Variants in YAE1 observed in about 807,000 individuals in gnomAD.
YAE1 encodes the protein YAE1 maturation factor of ABCE1, also known as protein YAE1 homolog.
Under a neutral mutation model 23.0 loss-of-function variants are expected in YAE1, and 22 were observed. The observed-to-expected ratio is 0.96, with a 90% CI of 0.68 to 1.37. The LOEUF (loss-of-function observed/expected upper bound fraction) is 1.37. Ranked by LOEUF, YAE1 falls within the 40% of genes most tolerant of loss-of-function variation. The probability of loss-of-function intolerance (pLI) is 0.00; values close to 1 mark genes in which losing one functional copy is unlikely to be tolerated. For synonymous variants in YAE1, 101 were observed against 97.0 expected, an observed-to-expected ratio of 1.04 and a Z score of -0.24; for missense variants, 260 against 262.1, an observed-to-expected ratio of 0.99 and a Z score of 0.06.
At chr7:39,579,019 A>G (rs1284472236) in intron 2 of YAE1, among the ~76,000 whole-genome samples, 1 of 152,244 alleles carries the variant, frequency 6.6e-6, no homozygotes, top group Admixed American at 6.5e-5. Context: ...CCAAGATGTT[A>G]GTTTCTAGCA....
intron 1 of YAE1, among the ~76,000 whole-genome samples, chr7:39,568,189 GGTCATGCCACT>G (rs2115763760): frequency 6.6e-6 from 1 of 152,008 alleles, no homozygotes; most frequent in Non-Finnish European, 1.5e-5. Context: ...AGTGAGCTGA[GGTCATGCCACT>G]GCACTCCAGC....
intron 2 of YAE1, among the ~76,000 whole-genome samples, chr7:39,587,204 G>A (rs776287155): frequency 1.3e-5 from 2 of 151,796 alleles, no homozygotes; most frequent in Admixed American, 6.6e-5. Flanking sequence ...TTACAGGCAT[G>A]CACCATCACA....
downstream of YAE1, chr7:39,610,455 A>G (rs1011259763): frequency 2.3e-5 from 10 of 438,678 alleles, no homozygotes; most frequent in East Asian, 3.5e-4. Context: ...TCTGGTTGCC[A>G]CAGGTATATC....
chr7:39,576,949 C>T (rs1790663948), downstream of YAE1, among the ~76,000 whole-genome samples: 1 of 152,160 alleles, frequency 6.6e-6, no homozygotes, highest in African/African-American at 2.4e-5. Flanking sequence ...AGCTGGAGTG[C>T]AATGGCGCAA....
chr7:39,604,801 AT>A (rs548581754), intron 2 of YAE1, among the ~76,000 whole-genome samples: 8 of 152,354 alleles, frequency 5.3e-5, no homozygotes, highest in Middle Eastern at 3.4e-3. Flanking sequence ...AAGGTATCAC[AT>A]TTTATGAAAA....
intron 2 of YAE1, among the ~76,000 whole-genome samples, chr7:39,597,221 C>T (rs181137043): frequency 6.6e-5 from 10 of 152,284 alleles, no homozygotes; most frequent in Admixed American, 4.6e-4. Context: ...TCATGATGTG[C>T]TACATAATCA....
At chr7:39,582,851 GGT>G in intron 2 of YAE1, among the ~76,000 whole-genome samples, 1 of 152,324 alleles carries the variant, frequency 6.6e-6, no homozygotes, top group South Asian at 2.1e-4. Flanking sequence ...ATTGACAGAT[GGT>G]GTTCAGCTGA....
downstream of YAE1, among the ~76,000 whole-genome samples, chr7:39,611,087 G>A (rs148660150): frequency 1.4e-3 from 206 of 152,090 alleles, no homozygotes; most frequent in Middle Eastern, 6.8e-3. Flanking sequence ...GGCAGAGGTT[G>A]CAGTGAGCCC....
At chr7:39,566,736 A>AT in intron 1 of YAE1, 189 bp downstream of exon 1, 1 of 778,276 alleles carries the variant, frequency 1.3e-6, no homozygotes, top group Admixed American at 3.1e-5. Context: ...AACAAGACGC[A>AT]TTCTTTGAGC....
At chr7:39,597,867 C>T (rs2115835300) in intron 2 of YAE1, among the ~76,000 whole-genome samples, 2 of 152,272 alleles carry the variant, frequency 1.3e-5, no homozygotes, top group South Asian at 4.1e-4. Flanking sequence ...TTCTGTATTA[C>T]CAGCATGTTC....
rs1790584804 is a variant in YAE1 at position 39,572,408 on chromosome 7, C to T, written c.383C>T (p.Ser128Phe). The T allele has an allele frequency of 6.2e-7, 1 of 1,614,000 alleles. No homozygotes were observed. Among genetic ancestry groups the T allele is most frequent in the African/African-American group, 1.3e-5 (1 of 74,922 alleles). The change falls in exon 3 of 3, where the codon TCC becomes TTC. Residue 128 changes from serine to phenylalanine, a missense_variant. Transcript: ENST00000223273. ...CATCTGAAATCAATCACTCCACCGT[C>T]CCATGTTGTAGATTTATTGGACTCC... is the stretch of plus-strand genomic sequence containing the variant. ...LKHLKSITPP[S>F]HVVDLLDSIE...
downstream of YAE1, among the ~76,000 whole-genome samples, chr7:39,575,537 G>GGAGAGAGAGAGAGAGA (rs56954676): frequency 2.5e-4 from 33 of 131,250 alleles, no homozygotes; most frequent in African/African-American, 4.6e-4. Context: ...CTAAGATACA[G>GGAGAGAGAGAGAGAGA]GAGAGAGAGA....
downstream of YAE1, among the ~76,000 whole-genome samples, chr7:39,575,986 C>T (rs1163363681): frequency 1.3e-5 from 2 of 152,182 alleles, no homozygotes; most frequent in Non-Finnish European, 2.9e-5. Flanking sequence ...TGCTAACTCT[C>T]CCCGACTCTG....
chr7:39,609,937 C>T (rs1791186003), exon 3 of YAE1: 1 of 1,524,340 alleles, frequency 6.6e-7, no homozygotes, highest in Non-Finnish European at 8.8e-7. Flanking sequence ...AACTCCGAAA[C>T]ACATTTTTCA....
rs531190683 is a variant in YAE1, at chr7:39,586,273, C to T, written c.251+15646C>T. Reference sequence around the variant, plus strand: ...CTGCAACCTCCACCTCCCGGGTTCACGCCATTCTCCTGCCTCAGTCTCCCG... The same window carrying T: ...CTGCAACCTCCACCTCCCGGGTTCATGCCATTCTCCTGCCTCAGTCTCCCG... On this transcript the variant is annotated intron_variant, in intron 2 of 2. Transcript: ENST00000432096. Among the ~76,000 whole-genome samples, 1,446 of 148,282 alleles carry T rather than the reference C, an allele frequency of 9.8e-3. 14 individuals are homozygous for T. The highest frequency in any genetic ancestry group is 0.015 in the Non-Finnish European group (1,005 of 66,996).
exon 3 of YAE1, chr7:39,609,911 G>A (rs540718503): frequency 2.0e-6 from 3 of 1,529,882 alleles, no homozygotes; most frequent in Middle Eastern, 1.7e-4. Flanking sequence ...CCGCCTGGCC[G>A]CCAGAGGCAC....
chr7:39,602,439 T>G (rs1351772903), intron 2 of YAE1, among the ~76,000 whole-genome samples: 2 of 152,216 alleles, frequency 1.3e-5, no homozygotes. Flanking sequence ...CATAATGAAA[T>G]GATGGATTTC....
chr7:39,572,985 C>A, downstream of YAE1: 1 of 757,426 alleles, frequency 1.3e-6, no homozygotes, highest in Non-Finnish European at 1.7e-6. Flanking sequence ...TGTTTTCAGA[C>A]TCATTAGCAA....
intron 1 of YAE1, among the ~76,000 whole-genome samples, chr7:39,567,397 CAG>C (rs1790489962): frequency 6.6e-6 from 1 of 152,270 alleles, no homozygotes; most frequent in African/African-American, 2.4e-5. Flanking sequence ...TCACTACCCA[CAG>C]AGCTTTTGCA....
Sources: gnomAD v4.1 joint callset for allele counts (sites outside exome capture counted in the v4.1 genomes callset) on GRCh38, gnomAD v4.1.1 for gene constraint, MANE v1.5 for transcripts, NCBI Gene and HGNC (gene_info 2026-07-23, HGNC 2026-07-21) for gene names.